CAMTA1: variants seen among roughly 807,000 people sequenced by gnomAD.
CAMTA1 encodes calmodulin binding transcription activator 1.
CAMTA1 carries 27 observed loss-of-function variants against 170.9 expected under a neutral mutation model. The ratio of observed to expected loss-of-function variants is 0.16; its 90% CI spans 0.12 to 0.22. CAMTA1 has a LOEUF of 0.22. CAMTA1 is among the 10% of genes least tolerant of loss of function. The pLI is 1.00. For missense variants in CAMTA1, 1,619 were observed against 2,217.2 expected (o/e 0.73, Z 5.42); for synonymous variants, 833 against 891.5 (o/e 0.93, Z 1.17).
intron 4 of CAMTA1, among the ~76,000 whole-genome samples, chr1:7,148,425 T>TCC (rs57480682): frequency 9.5e-5 from 14 of 147,716 alleles, no homozygotes; most frequent in African/African-American, 3.5e-4. Flanking sequence ...ATCCACCCCC[T>TCC]CCCCCCCCGC....
chr1:6,962,930 C>T (rs1294933420), intron 3 of CAMTA1, among the ~76,000 whole-genome samples: 1 of 150,662 alleles, frequency 6.6e-6, no homozygotes, highest in Admixed American at 6.6e-5. Flanking sequence ...CCTCTGGACC[C>T]ACCCCTCTTT....
intron 3 of CAMTA1, among the ~76,000 whole-genome samples, chr1:7,012,345 C>T (rs1465168232): frequency 6.6e-6 from 1 of 152,212 alleles, no homozygotes; most frequent in Non-Finnish European, 1.5e-5. Context: ...CCTGCCAGAT[C>T]TGCCACTTTC....
chr1:6,947,012 T>G (rs1687683893), intron 3 of CAMTA1, among the ~76,000 whole-genome samples: 1 of 152,222 alleles, frequency 6.6e-6, no homozygotes, highest in East Asian at 1.9e-4. Flanking sequence ...GGGATCTAAC[T>G]CCATTCTTTT....
At chr1:7,071,444 TGTA>T (rs560451996) in intron 3 of CAMTA1, among the ~76,000 whole-genome samples, 4 of 152,214 alleles carry the variant, frequency 2.6e-5, no homozygotes, top group African/African-American at 9.7e-5. Context: ...TTATTGTGCT[TGTA>T]GTTGTGTTTT....
rs150662366 is a variant in CAMTA1, at chr1:7,463,405, GGA to G, written c.439-4418_439-4417del. On this transcript the variant is annotated intron_variant, in intron 5 of 22. Coordinates refer to ENST00000303635, the MANE Select transcript of CAMTA1 (RefSeq NM_015215.4). This position sits in a 1 kb window ranked among gnomAD's most constrained non-coding sequence, Gnocchi z 4.7. ...GAGAGACAGAGACAGATACAGAAACGGAGAGAGAAATAAAGACAGACGGGGAG... is the reference window on the plus strand; with the variant it reads ...GAGAGACAGAGACAGATACAGAAACGGAGAGAAATAAAGACAGACGGGGAG... 0.051 allele frequency among the ~76,000 whole-genome samples: 7,660 copies of G among 151,506 alleles called. 273 individuals carry two copies. Among genetic ancestry groups the G allele is most frequent in the South Asian group, 0.12 (576 of 4,748 alleles).
intron 4 of CAMTA1, among the ~76,000 whole-genome samples, chr1:7,198,783 C>T (rs894773170): frequency 6.6e-6 from 1 of 152,086 alleles, no homozygotes; most frequent in African/African-American, 2.4e-5. Flanking sequence ...CTTCCCTGAC[C>T]CTGGCCCTCT....
At chr1:7,590,031 C>A (rs568418785) in intron 6 of CAMTA1, among the ~76,000 whole-genome samples, 1 of 152,136 alleles carries the variant, frequency 6.6e-6, no homozygotes, top group African/African-American at 2.4e-5. Context: ...TGGAGCTTGC[C>A]CCTGAAAGAA....
chr1:7,004,943 TG>T (rs1412983497), intron 3 of CAMTA1, among the ~76,000 whole-genome samples: 1 of 152,170 alleles, frequency 6.6e-6, no homozygotes, highest in Non-Finnish European at 1.5e-5. Flanking sequence ...AATTTTTTTT[TG>T]TGTTTTTAGT....
intron 5 of CAMTA1, among the ~76,000 whole-genome samples, chr1:7,411,403 G>T (rs2090733586): frequency 1.3e-5 from 2 of 152,110 alleles, no homozygotes; most frequent in African/African-American, 2.4e-5. Flanking sequence ...GCCGGGCGTG[G>T]TGACACGGCC....
Position 7,456,299 on chromosome 1 carries a change from CAG to C in CAMTA1, c.439-11530_439-11529del, listed in dbSNP as rs1367059698. ...CAAGAAGAATGGGAGGGAGGAAGGA[CAG>C]GGAGCGGGAAGGAGGAAGGCAGGCC... is the stretch of plus-strand genomic sequence containing the variant. On this transcript the variant is annotated intron_variant, in intron 5 of 22. Coordinates refer to ENST00000303635, the MANE Select transcript of CAMTA1 (RefSeq NM_015215.4). This position sits in a 1 kb window ranked among gnomAD's most constrained non-coding sequence, Gnocchi z 4.9. Among the ~76,000 whole-genome samples the C allele has an allele frequency of 2.6e-5, 4 of 151,718 alleles. No individual in the cohort carries two copies. Among genetic ancestry groups the C allele is most frequent in the African/African-American group, 7.3e-5 (3 of 41,248 alleles).
intron 3 of CAMTA1, among the ~76,000 whole-genome samples, chr1:6,939,756 C>T (rs1686100994): frequency 6.6e-6 from 1 of 152,236 alleles, no homozygotes; most frequent in East Asian, 1.9e-4. Context: ...CCCGGTCACC[C>T]TTCGTCACGG....
intron 5 of CAMTA1, among the ~76,000 whole-genome samples, chr1:7,320,683 AG>A (rs1678274611): frequency 4.9e-5 from 4 of 81,264 alleles, no homozygotes; most frequent in Non-Finnish European, 9.5e-5. Context: ...TTGCTATCTT[AG>A]CCAGCATGGT....
At chr1:7,217,559 G>A in intron 4 of CAMTA1, among the ~76,000 whole-genome samples, 1 of 151,948 alleles carries the variant, frequency 6.6e-6, no homozygotes. Flanking sequence ...TAAATGCAAT[G>A]TGTATTATGT....
At chr1:7,005,933 G>A (rs1216852651) in intron 3 of CAMTA1, among the ~76,000 whole-genome samples, 1 of 152,250 alleles carries the variant, frequency 6.6e-6, no homozygotes. Flanking sequence ...TGCTGCCCCA[G>A]ATCTGGCTGT....
chr1:7,296,721 G>T (rs1673999499), intron 5 of CAMTA1, among the ~76,000 whole-genome samples: 1 of 152,102 alleles, frequency 6.6e-6, no homozygotes, highest in African/African-American at 2.4e-5. Context: ...AGATGTAGAT[G>T]TCAAGTGGCC....
At chr1:7,291,847 C>T (rs1350533565) in intron 5 of CAMTA1, among the ~76,000 whole-genome samples, 1 of 152,248 alleles carries the variant, frequency 6.6e-6, no homozygotes, top group Non-Finnish European at 1.5e-5. Context: ...CTTCCAACAA[C>T]TGTCTGGAAA....
intron 6 of CAMTA1, among the ~76,000 whole-genome samples, chr1:7,591,480 G>C (rs1475233310): frequency 6.6e-6 from 1 of 152,164 alleles, no homozygotes; most frequent in Non-Finnish European, 1.5e-5. Context: ...ATTGAAACTA[G>C]GCCTTTGCAC....
intron 19 of CAMTA1, among the ~76,000 whole-genome samples, chr1:7,750,486 G>T (rs1398490359): frequency 2.0e-5 from 3 of 152,228 alleles, no homozygotes; most frequent in Admixed American, 1.3e-4. Context: ...TATTTTTAGT[G>T]CCTAGAGACT....
At chr1:7,663,095 A>G (rs973379574) in intron 8 of CAMTA1, among the ~76,000 whole-genome samples, 2 of 152,188 alleles carry the variant, frequency 1.3e-5, no homozygotes, top group Non-Finnish European at 2.9e-5. Context: ...ATTTGAAAAG[A>G]GCATCAAGGC....
Sources: gnomAD v4.1 joint callset for allele counts (sites outside exome capture counted in the v4.1 genomes callset) on GRCh38, gnomAD v4.1.1 for gene constraint, Gnocchi (gnomAD v3.1) non-coding constraint, MANE v1.5 for transcripts, NCBI Gene and HGNC (gene_info 2026-07-23, HGNC 2026-07-21) for gene names.